Variants in TEAD2 observed in about 807,000 individuals in gnomAD.
The protein encoded by TEAD2 is transcriptional enhancer factor TEF-4.
A neutral mutation model predicts 61.4 loss-of-function variants in TEAD2; 51 were observed. That is an observed-to-expected ratio of 0.83 (90% CI 0.66 to 1.05). The LOEUF is 1.05. TEAD2 is among the 50% of genes least tolerant of loss of function. The probability of loss-of-function intolerance (pLI) is 0.00; values close to 1 mark genes in which losing one functional copy is unlikely to be tolerated. For synonymous variants in TEAD2, 244 were observed against 243.2 expected, an observed-to-expected ratio of 1.00 and a Z score of -0.03; for missense variants, 509 against 600.0, an observed-to-expected ratio of 0.85 and a Z score of 1.58.
intron 10 of TEAD2, among the ~76,000 whole-genome samples, chr19:49,344,341 C>T (rs1380347178): frequency 1.3e-5 from 2 of 151,726 alleles, no homozygotes; most frequent in East Asian, 1.9e-4. Flanking sequence ...AGTGCAATGC[C>T]GCGATCTTGA....
chr19:49,351,174 T>A (rs186317525), intron 8 of TEAD2, 127 bp downstream of exon 8: 815 of 948,796 alleles, frequency 8.6e-4, no homozygotes, highest in Non-Finnish European at 1.2e-3. Flanking sequence ...GGAGACTCCA[T>A]CTCAAAACAA....
rs1279575612 is a variant in TEAD2 at position 49,341,921 on chromosome 19, G to A, written c.1243-484C>T. Among the ~76,000 whole-genome samples the A allele has an allele frequency of 6.6e-6, 1 of 152,064 alleles. No individual in the cohort carries two copies. Among genetic ancestry groups the A allele is most frequent in the African/African-American group, 2.4e-5 (1 of 41,410 alleles). The stretch of plus-strand genomic sequence containing the variant: ...GTGCGAGTGCTGTGGGGCTGGGCGT[G>A]GTGGCTCACACCTGTAATCCCAGCA... On this transcript the variant is annotated intron_variant, in intron 12 of 12. Transcript: ENST00000593945. This position sits in a 1 kb window ranked among gnomAD's most constrained non-coding sequence, Gnocchi z 4.2.
intron 3 of TEAD2, 147 bp from the exon 4 acceptor site, chr19:49,357,461 C>A: frequency 1.2e-6 from 1 of 830,758 alleles, no homozygotes; most frequent in Non-Finnish European, 2.0e-6. Flanking sequence ...TCGGGAGCAC[C>A]CGAACACAGA....
chr19:49,359,224 C>T lies in TEAD2; in HGVS notation c.297+211G>A. 1.8e-6 allele frequency: 1 copy of T among 552,632 alleles called. No individual in the cohort carries two copies. Among genetic ancestry groups the T allele is most frequent in the Non-Finnish European group, 3.3e-6 (1 of 306,148 alleles). The allele number at this position is 552,632 out of a possible 1,614,324, so 34.2% of individuals were successfully genotyped here. A position where few individuals can be genotyped will look rare whatever the true frequency, so the allele number is the denominator to read the frequency against. ...CTGCACTCCGGCCTGGGCAACAGAG[C>T]TAGACTCCATTTCAAAAAATAAACA... On this transcript the variant is annotated intron_variant, in intron 3 of 12. Transcript: ENST00000593945. The surrounding 1 kb of genome is among the most constrained non-coding windows in gnomAD (Gnocchi z 4.1).
At chr19:49,350,172 A>G (rs539092672) in intron 8 of TEAD2, among the ~76,000 whole-genome samples, 1 of 152,294 alleles carries the variant, frequency 6.6e-6, no homozygotes, top group Non-Finnish European at 1.5e-5. Flanking sequence ...CTGCCTGGGA[A>G]TGAAGCCACC....
In TEAD2 at chr19:49,359,386, A is replaced by G. The variant is rs1972648958; in HGVS notation, c.297+49T>C. The G allele has an allele frequency of 6.3e-7, 1 of 1,584,692 alleles. No individual in the cohort carries two copies. The highest frequency in any genetic ancestry group is 1.7e-5 in the Admixed American group (1 of 59,864). ...AACCTGCCCATGCGAGGATGACCCT[A>G]AGAAGACCGGCCCATCCCAGACAGA... On this transcript the variant is annotated intron_variant, in intron 3 of 12. Transcript: ENST00000593945. The surrounding 1 kb of genome is among the most constrained non-coding windows in gnomAD (Gnocchi z 4.1).
chr19:49,347,821 A>G (rs1269642276), intron 9 of TEAD2, among the ~76,000 whole-genome samples: 2 of 152,218 alleles, frequency 1.3e-5, no homozygotes, highest in Non-Finnish European at 2.9e-5. Flanking sequence ...TGGAAGAGTG[A>G]ATGAATGGGA....
At chr19:49,346,181 A>T (rs2335096) in intron 10 of TEAD2, among the ~76,000 whole-genome samples, 25,907 of 147,786 alleles carry the variant, frequency 0.18, 2,908 homozygotes, top group Non-Finnish European at 0.24. Context: ...AAAAAAAAAA[A>T]AAAACAATAA....
intron 12 of TEAD2, 46 bp downstream of exon 12, chr19:49,342,391 TC>T: frequency 6.2e-7 from 1 of 1,602,996 alleles, no homozygotes; most frequent in East Asian, 2.2e-5. Flanking sequence ...ATAGGTACTG[TC>T]CCTCCACACT....
intron 10 of TEAD2, 30 bp from the exon 11 acceptor site, chr19:49,343,428 G>C: frequency 6.3e-7 from 1 of 1,579,808 alleles, no homozygotes; most frequent in Non-Finnish European, 8.6e-7. Context: ...AGATGAGTCA[G>C]AGGGGACATC....
At chr19:49,342,392 C>T (rs1359655422) in intron 12 of TEAD2, 46 bp downstream of exon 12, 1 of 1,603,900 alleles carries the variant, frequency 6.2e-7, no homozygotes, top group Non-Finnish European at 8.5e-7. Flanking sequence ...TAGGTACTGT[C>T]CCTCCACACT....
At chr19:49,355,017 A>ACATG in intron 7 of TEAD2, 131 bp downstream of exon 7, 8 of 648,872 alleles carry the variant, frequency 1.2e-5, no homozygotes, top group Non-Finnish European at 2.2e-5. Flanking sequence ...ATACATACAT[A>ACATG]CATGCATACA....
chr19:49,343,863 G>T (rs111791046), intron 10 of TEAD2, among the ~76,000 whole-genome samples: 3,415 of 144,242 alleles, frequency 0.024, 240 homozygotes, highest in African/African-American at 0.081. Flanking sequence ...TTTGGGGGGG[G>T]GGGAACAGGG....
chr19:49,348,629 G>A, intron 9 of TEAD2, 74 bp downstream of exon 9: 2 of 1,344,448 alleles, frequency 1.5e-6, no homozygotes, highest in South Asian at 1.2e-5. Flanking sequence ...TTAAAACCAT[G>A]ACTTTATACA....
rs200732151 is a variant in TEAD2 at position 49,346,182 on chromosome 19, A to T, written c.921+1008T>A. Among the ~76,000 whole-genome samples, 94 of 109,066 alleles carry T rather than the reference A, an allele frequency of 8.6e-4. 1 individual carries two copies. In the Middle Eastern group the frequency reaches 0.013, roughly 15 times the overall value. The allele number at this position is 109,066 out of a possible 152,430, so 71.6% of individuals were successfully genotyped here. On this transcript the variant is annotated intron_variant, in intron 10 of 12. Transcript: ENST00000593945. ...TTCCATCTCAAAAAAAAAAAAAAAA[A>T]AAACAATAAAAGAAAATAAAACACA...
rs1971288978 is a variant in TEAD2, at chr19:49,341,803, G to T, written c.1243-366C>A. On this transcript the variant is annotated intron_variant, in intron 12 of 12. Transcript: ENST00000593945. This position sits in a 1 kb window ranked among gnomAD's most constrained non-coding sequence, Gnocchi z 4.2. ...CCTCAGCAGTCCAAAAAGTTAAAGG[G>T]GCTCCCACCATATCATGTTCCTTGA... Among the ~76,000 whole-genome samples, 1 of 152,020 alleles carries T rather than the reference G, an allele frequency of 6.6e-6. No homozygotes were observed. The highest frequency in any genetic ancestry group is 1.5e-5 in the Non-Finnish European group (1 of 68,006).
At chr19:49,357,188 C>A in intron 4 of TEAD2, 64 bp downstream of exon 4, 2 of 1,523,428 alleles carry the variant, frequency 1.3e-6, no homozygotes, top group Non-Finnish European at 1.8e-6. Context: ...CCCTCTCTTT[C>A]TGGGTCTCGG....
Position 49,359,023 on chromosome 19 carries a change from GAGGTC to G in TEAD2, c.297+407_297+411del, listed in dbSNP as rs1172814948. Among the ~76,000 whole-genome samples the G allele has an allele frequency of 6.6e-6, 1 of 151,974 alleles. No individual in the cohort carries two copies. The highest frequency in any genetic ancestry group is 1.5e-5 in the Non-Finnish European group (1 of 68,020). On this transcript the variant is annotated intron_variant, in intron 3 of 12. Coordinates refer to ENST00000593945, the MANE Select transcript of TEAD2 (RefSeq NM_001256660.2). This position sits in a 1 kb window ranked among gnomAD's most constrained non-coding sequence, Gnocchi z 4.1. ...GGGGGCTGAGGTGAGTGGATCACCTGAGGTCAGGAGTTCGAGACCAGCCTGGACAA... is the reference window on the plus strand; with the variant it reads ...GGGGGCTGAGGTGAGTGGATCACCTGAGGAGTTCGAGACCAGCCTGGACAA...
chr19:49,343,090 C>T, intron 11 of TEAD2, 141 bp downstream of exon 11: 2 of 984,174 alleles, frequency 2.0e-6, no homozygotes, highest in Non-Finnish European at 2.9e-6. Flanking sequence ...TGCCCATTAG[C>T]TCCCAACGCA....
Sources: allele counts gnomAD v4.1 joint callset (sites outside exome capture counted in the v4.1 genomes callset), GRCh38; gene constraint gnomAD v4.1.1; non-coding constraint Gnocchi (gnomAD v3.1); transcripts MANE v1.5; gene names NCBI Gene and HGNC (gene_info 2026-07-23, HGNC 2026-07-21).